The following SLC9B1 variants were observed in gnomAD, a reference collection of about 807,000 sequenced individuals.
The protein encoded by SLC9B1 is sodium/hydrogen exchanger 9B1.
SLC9B1 carries 32 observed loss-of-function variants against 51.7 expected under a neutral mutation model. The ratio of observed to expected loss-of-function variants is 0.62; its 90% CI spans 0.47 to 0.83. The LOEUF (loss-of-function observed/expected upper bound fraction) is 0.83. Among genes scored for constraint, SLC9B1 ranks in the 40% least tolerant of loss-of-function variants. SLC9B1 has a pLI of 0.00. For missense variants in SLC9B1, 406 were observed against 613.2 expected (o/e 0.66, Z 3.57); for synonymous variants, 145 against 212.7 (o/e 0.68, Z 2.77).
chr4:102,993,334 G>A (rs1217061528), intron 1 of SLC9B1, among the ~76,000 whole-genome samples: 2 of 152,178 alleles, frequency 1.3e-5, no homozygotes, highest in African/African-American at 2.4e-5. Context: ...CCCCATGCAA[G>A]TCCGAAATCC....
intron 1 of SLC9B1, among the ~76,000 whole-genome samples, chr4:103,005,460 A>C (rs1740733796): frequency 6.6e-6 from 1 of 152,186 alleles, no homozygotes; most frequent in African/African-American, 2.4e-5. Context: ...TCATAAAATA[A>C]GTTCTTAAAG....
At chr4:102,928,970 C>G (rs1486013433) in intron 7 of SLC9B1, among the ~76,000 whole-genome samples, 1 of 152,154 alleles carries the variant, frequency 6.6e-6, no homozygotes, top group African/African-American at 2.4e-5. Flanking sequence ...TCAGCTTCTC[C>G]TAAACTTCTT....
intron 7 of SLC9B1, among the ~76,000 whole-genome samples, chr4:102,925,570 A>G (rs978184345): frequency 1.3e-5 from 2 of 151,986 alleles, no homozygotes; most frequent in Non-Finnish European, 2.9e-5. Flanking sequence ...AAACTATGAC[A>G]CTGTCCTATA....
At chr4:102,953,918 C>T (rs1737646196) in intron 3 of SLC9B1, among the ~76,000 whole-genome samples, 1 of 9,832 alleles carries the variant, frequency 1.0e-4, no homozygotes, top group Admixed American at 1.7e-3. Context: ...CGTCTGCAAA[C>T]AGGGACAATT....
chr4:102,992,463 T>C (rs1344616736), intron 1 of SLC9B1, among the ~76,000 whole-genome samples: 1 of 152,142 alleles, frequency 6.6e-6, no homozygotes, highest in Admixed American at 6.5e-5. Context: ...GCTTCAAGTA[T>C]CTATACTTTT....
intron 11 of SLC9B1, chr4:102,892,493 T>C (rs1035466651): frequency 6.6e-6 from 1 of 152,216 alleles, no homozygotes; most frequent in Admixed American, 6.5e-5. Flanking sequence ...TTGAAGGACA[T>C]TGAAAATCTG....
chr4:102,975,559 T>TATATAC (rs1049038198), intron 3 of SLC9B1, among the ~76,000 whole-genome samples: 5 of 124,870 alleles, frequency 4.0e-5, no homozygotes, highest in South Asian at 2.6e-4. Flanking sequence ...ATAATGATTA[T>TATATAC]ATATACATAT....
intron 3 of SLC9B1, among the ~76,000 whole-genome samples, chr4:102,988,655 A>G (rs1204568560): frequency 1.3e-5 from 2 of 152,074 alleles, no homozygotes; most frequent in Non-Finnish European, 2.9e-5. Context: ...AGAGGGACAA[A>G]CAGAGAGAGA....
At chr4:102,982,447 T>C (rs1352075725) in intron 3 of SLC9B1, among the ~76,000 whole-genome samples, 2 of 152,150 alleles carry the variant, frequency 1.3e-5, no homozygotes, top group Admixed American at 6.6e-5. Flanking sequence ...AAAATAACTT[T>C]CAGGAATTTT....
intron 6 of SLC9B1, among the ~76,000 whole-genome samples, chr4:102,934,484 C>G (rs1357167561): frequency 3.3e-5 from 5 of 151,942 alleles, no homozygotes; most frequent in Admixed American, 3.3e-4. Flanking sequence ...GTTAAAAGCT[C>G]AAAAGGAAAA....
chr4:102,934,854 A>G (rs1209561325), intron 6 of SLC9B1, among the ~76,000 whole-genome samples: 1 of 152,162 alleles, frequency 6.6e-6, no homozygotes, highest in Admixed American at 6.5e-5. Flanking sequence ...GGCATTAGAC[A>G]TAAAAAGAGA....
chr4:102,913,237 C>T (rs1176175854), intron 7 of SLC9B1, among the ~76,000 whole-genome samples: 1 of 152,218 alleles, frequency 6.6e-6, no homozygotes, highest in Non-Finnish European at 1.5e-5. Flanking sequence ...TAACTTGACA[C>T]CCAACTGGCA....
intron 4 of SLC9B1, 34 bp from the exon 5 acceptor site, chr4:102,946,823 T>C (rs763468857): frequency 2.0e-6 from 3 of 1,530,020 alleles, no homozygotes; most frequent in East Asian, 2.4e-5. Context: ...ACATGACAGT[T>C]CATTTTTCTG....
At chr4:102,955,605 A>ATTCTC (rs1737744061) in intron 3 of SLC9B1, among the ~76,000 whole-genome samples, 2 of 152,178 alleles carry the variant, frequency 1.3e-5, no homozygotes, top group South Asian at 4.1e-4. Context: ...ATGAACAGAC[A>ATTCTC]GAATTGCAGC....
In SLC9B1 at chr4:102,938,174, G is replaced by GA. The variant is rs1172563211; in HGVS notation, c.654-5876dup. On this transcript the variant is annotated intron_variant, in intron 6 of 11. Transcript: ENST00000296422. ...CCCATTGGCTCAAAGTAAAAGGATG[G>GA]AAAAAAATCTAGCAAGCAAATGCAA... Among the ~76,000 whole-genome samples the GA allele has an allele frequency of 2.6e-5, 4 of 152,086 alleles. No individual in the cohort carries two copies. The East Asian group carries it at 7.7e-4, about 29-fold the overall frequency.
intron 3 of SLC9B1, among the ~76,000 whole-genome samples, chr4:102,964,525 G>T (rs1738320578): frequency 6.6e-6 from 1 of 152,138 alleles, no homozygotes; most frequent in Non-Finnish European, 1.5e-5. Context: ...TATCCCTTAT[G>T]AACCTAGACA....
At chr4:102,945,638 T>A (rs193036466) in intron 5 of SLC9B1, among the ~76,000 whole-genome samples, 319 of 152,258 alleles carry the variant, frequency 2.1e-3, no homozygotes, top group African/African-American at 7.2e-3. Context: ...GTCCTATTAG[T>A]GTTTTCCCAT....
intron 1 of SLC9B1, among the ~76,000 whole-genome samples, chr4:103,007,296 A>T (rs1325583411): frequency 6.6e-6 from 1 of 152,192 alleles, no homozygotes; most frequent in Admixed American, 6.5e-5. Context: ...AAATCAATGT[A>T]CCAAAATCAG....
intron 6 of SLC9B1, among the ~76,000 whole-genome samples, chr4:102,938,958 C>A (rs1177235218): frequency 6.6e-6 from 1 of 151,442 alleles, no homozygotes; most frequent in Non-Finnish European, 1.5e-5. Context: ...TAATATCATA[C>A]CTAAAGGAAA....
Sources: gnomAD v4.1 joint callset for allele counts (sites outside exome capture counted in the v4.1 genomes callset) on GRCh38, gnomAD v4.1.1 for gene constraint, MANE v1.5 for transcripts, NCBI Gene and HGNC (gene_info 2026-07-23, HGNC 2026-07-21) for gene names.